EHBP1L1: variants seen among roughly 807,000 people sequenced by gnomAD.
EHBP1L1 encodes the protein EH domain binding protein 1 like 1.
Under a neutral mutation model 151.1 loss-of-function variants are expected in EHBP1L1, and 122 were observed. That is an observed-to-expected ratio of 0.81 (90% CI 0.70 to 0.94). EHBP1L1 has a LOEUF of 0.94. Among genes scored for constraint, EHBP1L1 ranks in the 40% least tolerant of loss-of-function variants. The pLI, the probability that EHBP1L1 is intolerant of heterozygous loss-of-function variation, is 0.00. For synonymous variants in EHBP1L1, 878 were observed against 810.1 expected (o/e 1.08, Z -1.42); for missense variants, 1,941 against 1,959.8 (o/e 0.99, Z 0.18).
At chr11:65,591,734 C>G (rs1461161892) in intron 16 of EHBP1L1, 66 bp from the exon 17 acceptor site, 2 of 1,334,342 alleles carry the variant, frequency 1.5e-6, no homozygotes, top group Non-Finnish European at 2.1e-6. Flanking sequence ...GCCCTGGGCA[C>G]TCTCTCCCTA....
chr11:65,579,542 C>T lies in EHBP1L1; in HGVS notation c.258+106C>T, dbSNP rs561053158. ...TTGTTCATCCAGATAGAAGAGGATG[C>T]GGGGGGTGAGGCCAAGAATTAGGGG... On this transcript the variant is annotated intron_variant, in intron 3 of 18. Transcript: ENST00000309295. 81 of 974,892 alleles carry T rather than the reference C, an allele frequency of 8.3e-5. 2 individuals are homozygous for T. The South Asian group carries it at 1.2e-3, about 14-fold the overall frequency. 60.4% of individuals were successfully genotyped at this position (974,892 alleles called of 1,614,324 possible).
chr11:65,580,546 C>G, intron 6 of EHBP1L1, 67 bp downstream of exon 6: 2 of 1,563,864 alleles, frequency 1.3e-6, no homozygotes, highest in South Asian at 2.3e-5. Flanking sequence ...CCCGGGCCAC[C>G]AGCCACTTGC....
At chr11:65,579,472 C>A in intron 3 of EHBP1L1, 36 bp downstream of exon 3, 2 of 1,411,940 alleles carry the variant, frequency 1.4e-6, no homozygotes, top group South Asian at 1.5e-5. Context: ...ATGGCAATTG[C>A]AACACAGGCA....
Position 65,582,886 on chromosome 11 carries a change from G to C in EHBP1L1, c.2214G>C (p.Glu738Asp). The stretch of plus-strand genomic sequence containing the variant: ...CAGCTAGGGATTCAGGGGTCAGAGA[G>C]ATAGAAGCAGAGATAGCAGAGTCTG... ...EITARDSGVREIEAEIAESDI... is the reference protein window; with the variant it reads ...EITARDSGVRDIEAEIAESDI... The change falls in exon 9 of 19, where the codon GAG becomes GAC. Residue 738 changes from glutamate to aspartate, a missense_variant. Coordinates refer to ENST00000309295, the MANE Select transcript of EHBP1L1 (RefSeq NM_001099409.3). 1 of 1,613,624 alleles carries C rather than the reference G, an allele frequency of 6.2e-7. No homozygotes were observed. Among genetic ancestry groups the C allele is most frequent in the East Asian group, 2.2e-5 (1 of 44,896 alleles).
At chr11:65,580,526 G>A (rs776926201) in intron 6 of EHBP1L1, 47 bp downstream of exon 6, 1 of 1,589,112 alleles carries the variant, frequency 6.3e-7, no homozygotes, top group Non-Finnish European at 8.5e-7. Context: ...GACCTGGGGA[G>A]GGAGGGTTAC....
chr11:65,587,425 CCCA>C (rs1258508803), intron 12 of EHBP1L1, among the ~76,000 whole-genome samples: 2 of 152,046 alleles, frequency 1.3e-5, no homozygotes, highest in African/African-American at 4.8e-5. Context: ...CACTGGAATT[CCCA>C]CGAGGCCTGG....
chr11:65,588,191 C>A (rs1174021315), intron 12 of EHBP1L1, among the ~76,000 whole-genome samples: 1 of 151,864 alleles, frequency 6.6e-6, no homozygotes, highest in Non-Finnish European at 1.5e-5. Context: ...GCAGGGGGGT[C>A]TCTGGAGGAA....
rs1352435717 is a variant in EHBP1L1, at chr11:65,580,811, T to C, written c.635-247T>C. 7.0e-6 allele frequency: 7 copies of C among 1,003,994 alleles called. No individual in the cohort carries two copies. The Admixed American group carries it at 2.3e-4, about 33-fold the overall frequency. 62.2% of individuals were successfully genotyped at this position (1,003,994 alleles called of 1,614,324 possible). Reference sequence around the variant, plus strand: ...CCTGATCCCTCACCACCAGCCCTCCTGGGCCAGCTGGGGCTTCCTCATTCC... The same window carrying C: ...CCTGATCCCTCACCACCAGCCCTCCCGGGCCAGCTGGGGCTTCCTCATTCC... On this transcript the variant is annotated intron_variant, in intron 6 of 18. Coordinates refer to ENST00000309295, the MANE Select transcript of EHBP1L1 (RefSeq NM_001099409.3).
intron 1 of EHBP1L1, among the ~76,000 whole-genome samples, chr11:65,576,721 G>A (rs1000059647): frequency 6.6e-5 from 10 of 152,192 alleles, no homozygotes; most frequent in Admixed American, 5.9e-4. Flanking sequence ...GTGCCAGAAA[G>A]GTGGTTCAGG....
chr11:65,581,944 G>A lies in EHBP1L1; in HGVS notation c.1272G>A (p.Val424=), dbSNP rs756516200. 9.0e-5 allele frequency: 145 copies of A among 1,613,708 alleles called. No homozygotes were observed. The highest frequency in any genetic ancestry group is 1.2e-4 in the Non-Finnish European group (143 of 1,179,860). ...AAGAGAGTTCAGCAGTTTGTCAAGTGGATGCTGAGCAGAGGTCAAAGGTGA... is the reference window on the plus strand; with the variant it reads ...AAGAGAGTTCAGCAGTTTGTCAAGTAGATGCTGAGCAGAGGTCAAAGGTGA... ...EAEESSAVCQ[V]DAEQRSKVRH... Residue 424 remains valine (V), a synonymous_variant, in exon 9 of 19, where the codon GTG becomes GTA. Transcript: ENST00000309295.
At chr11:65,588,225 G>A (rs561645362) in intron 12 of EHBP1L1, among the ~76,000 whole-genome samples, 74 of 152,286 alleles carry the variant, frequency 4.9e-4, no homozygotes, top group African/African-American at 1.7e-3. Flanking sequence ...GGGTCGTGGA[G>A]GTCACGTTGG....
intron 16 of EHBP1L1, chr11:65,591,536 C>T: frequency 1.7e-6 from 1 of 580,516 alleles, no homozygotes; most frequent in Non-Finnish European, 3.1e-6. Flanking sequence ...TTTATGAGTA[C>T]TGTTCATCCA....
chr11:65,580,640 T>C (rs1442549681), intron 6 of EHBP1L1, among the ~76,000 whole-genome samples, 161 bp downstream of exon 6: 1 of 152,202 alleles, frequency 6.6e-6, no homozygotes, highest in Non-Finnish European at 1.5e-5. Flanking sequence ...ACCTGGCTGC[T>C]GGTCCCACGA....
Position 65,585,422 on chromosome 11 carries a change from G to A in EHBP1L1, c.3764G>A (p.Arg1255Gln). The A allele has an allele frequency of 2.1e-6, 3 of 1,442,918 alleles. No homozygotes were observed. The highest frequency in any genetic ancestry group is 2.7e-6 in the Non-Finnish European group (3 of 1,104,900). The allele number at this position is 1,442,918 out of a possible 1,614,324, so 89.4% of individuals were successfully genotyped here. The change falls in exon 12 of 19, where the codon CGG (arginine) becomes CAG (glutamine). Residue 1255 changes from arginine to glutamine, a missense_variant. Physicochemically the swap from Arg to Gln is conservative, Grantham distance 43. Transcript: ENST00000309295. The surrounding 1 kb of genome is among the most constrained non-coding windows in gnomAD (Gnocchi z 4.0). ...APGGGGVRLR[R>Q]PSVNGEPGSV... ...GGCGGCGGCGGCGTGAGGCTGCGAC[G>A]GCCCTCGGTCAACGGGGAGCCCGGG...
rs1363472019 is a variant in EHBP1L1, at chr11:65,585,228, C to T, written c.3570C>T (p.Pro1190=). Residue 1190 remains proline, a synonymous_variant, in exon 12 of 19, where the codon CCC becomes CCT. Transcript: ENST00000309295. This position sits in a 1 kb window ranked among gnomAD's most constrained non-coding sequence, Gnocchi z 4.0. The part of the protein sequence containing the change: ...QRLRGHGAEG[P]QEPKEAADRA... ...TGCGCGGTCACGGGGCCGAGGGGCC[C>T]CAGGAGCCCAAGGAGGCCGCAGACC... is the stretch of plus-strand genomic sequence containing the variant. 5.3e-6 allele frequency: 6 copies of T among 1,133,728 alleles called. No homozygotes were observed. Among genetic ancestry groups the T allele is most frequent in the Non-Finnish European group, 5.4e-6 (5 of 924,796 alleles). The allele number at this position is 1,133,728 out of a possible 1,614,324, so 70.2% of individuals were successfully genotyped here. A position where few individuals can be genotyped will look rare whatever the true frequency, so the allele number is the denominator to read the frequency against.
In EHBP1L1 at chr11:65,590,615, G is replaced by A. The variant is rs912249136; in HGVS notation, c.4283+23G>A. ...GCTGTGAGTGCTGGCCCCGGGCCAG[G>A]AGAGCAGAGGGACTCTTAGCTACTT... is the stretch of plus-strand genomic sequence containing the variant. On this transcript the variant is annotated intron_variant, in intron 16 of 18. Coordinates refer to ENST00000309295, the MANE Select transcript of EHBP1L1 (RefSeq NM_001099409.3). 3.1e-6 allele frequency: 5 copies of A among 1,604,916 alleles called. No homozygotes were observed. In the African/African-American group the frequency reaches 4.0e-5, roughly 13 times the overall value.
intron 12 of EHBP1L1, among the ~76,000 whole-genome samples, chr11:65,589,088 G>A (rs1858122630): frequency 6.6e-6 from 1 of 152,174 alleles, no homozygotes; most frequent in Non-Finnish European, 1.5e-5. Flanking sequence ...AGAAGTCAGA[G>A]GTGGCCTGAG....
intron 15 of EHBP1L1, 78 bp from the exon 16 acceptor site, chr11:65,590,415 C>T: frequency 4.5e-6 from 7 of 1,546,766 alleles, no homozygotes; most frequent in Non-Finnish European, 6.1e-6. Context: ...GGGAGCAAAC[C>T]CCCTCCCCCA....
rs560595410 is a variant in EHBP1L1, at chr11:65,592,205, C to T, written c.4475C>T (p.Ala1492Val). 1.3e-6 allele frequency: 2 copies of T among 1,564,366 alleles called. No individual in the cohort carries two copies. Among genetic ancestry groups the T allele is most frequent in the East Asian group, 2.4e-5 (1 of 42,170 alleles). Reference sequence around the variant, plus strand: ...TGACTCGAACCCGTTCTCCCCAGCGCCCTGGAGGAGGACGAGCGCCTGGAG... The same window carrying T: ...TGACTCGAACCCGTTCTCCCCAGCGTCCTGGAGGAGGACGAGCGCCTGGAG... ...VRDLDHKERI[A>V]LEEDERLERG... Residue 1492 changes from alanine to valine, a missense_variant and splice_region_variant, in exon 19 of 19, where the codon GCC becomes GTC. By Grantham distance (64) the Ala-to-Val change is moderately conservative. Transcript: ENST00000309295.
Sources: allele counts gnomAD v4.1 joint callset (sites outside exome capture counted in the v4.1 genomes callset), GRCh38; gene constraint gnomAD v4.1.1; non-coding constraint Gnocchi (gnomAD v3.1); transcripts MANE v1.5; gene names NCBI Gene and HGNC (gene_info 2026-07-23, HGNC 2026-07-21).